Variants in SIPA1L3 observed in about 807,000 individuals in gnomAD.
The protein encoded by SIPA1L3 is signal induced proliferation associated 1 like 3, also known as signal-induced proliferation-associated 1-like protein 3.
SIPA1L3 carries 59 observed loss-of-function variants against 150.1 expected under a neutral mutation model. The observed-to-expected ratio is 0.39, with a 90% CI of 0.32 to 0.49. The LOEUF is 0.49. Ranked by LOEUF, SIPA1L3 falls within the 20% of genes least tolerant of loss-of-function variation. The probability of loss-of-function intolerance (pLI) is 0.86; values close to 1 mark genes in which losing one functional copy is unlikely to be tolerated. For missense variants in SIPA1L3, 2,211 were observed against 2,489.5 expected, an observed-to-expected ratio of 0.89 and a Z score of 2.38; for synonymous variants, 1,070 against 1,077.6, an observed-to-expected ratio of 0.99 and a Z score of 0.14.
At chr19:38,011,556 G>C (rs1968098651) in intron 1 of SIPA1L3, among the ~76,000 whole-genome samples, 1 of 152,176 alleles carries the variant, frequency 6.6e-6, no homozygotes, top group Non-Finnish European at 1.5e-5. Context: ...TGATCTGGGT[G>C]GTCAGGGAAG....
At chr19:38,188,179 TGTGGTGGTG>T (rs765752216) in intron 16 of SIPA1L3, among the ~76,000 whole-genome samples, 2 of 151,178 alleles carry the variant, frequency 1.3e-5, no homozygotes, top group Admixed American at 6.6e-5. Flanking sequence ...GTTTTGTTGT[TGTGGTGGTG>T]GTGGTGGTGG....
intron 8 of SIPA1L3, among the ~76,000 whole-genome samples, chr19:38,117,590 G>T (rs1471726105): frequency 1.3e-5 from 2 of 151,230 alleles, no homozygotes; most frequent in African/African-American, 2.4e-5. Context: ...TTGTACTCCA[G>T]CCTGAGCTAC....
At chr19:38,156,838 A>G (rs1971960722) in intron 13 of SIPA1L3, among the ~76,000 whole-genome samples, 1 of 152,074 alleles carries the variant, frequency 6.6e-6, no homozygotes, top group Non-Finnish European at 1.5e-5. Flanking sequence ...ATAAAAAAAG[A>G]AATCATTGTG....
intron 1 of SIPA1L3, among the ~76,000 whole-genome samples, chr19:37,988,114 T>G (rs1399141575): frequency 6.6e-6 from 1 of 152,152 alleles, no homozygotes; most frequent in East Asian, 1.9e-4. Flanking sequence ...GCCCTACCTC[T>G]CCTGGTCTGT....
chr19:38,109,213 G>C (rs1365519977), intron 7 of SIPA1L3, among the ~76,000 whole-genome samples: 1 of 152,112 alleles, frequency 6.6e-6, no homozygotes, highest in Non-Finnish European at 1.5e-5. Flanking sequence ...ACATGGCTGG[G>C]GAGGCCTCAC....
intron 1 of SIPA1L3, among the ~76,000 whole-genome samples, chr19:37,934,078 T>TGAGCG (rs2046579014): frequency 6.6e-6 from 1 of 152,140 alleles, no homozygotes. Context: ...AATTAAATGG[T>TGAGCG]GAGCGCGAAG....
At chr19:38,199,200 G>A (rs376295272) in intron 19 of SIPA1L3, among the ~76,000 whole-genome samples, 21 of 152,298 alleles carry the variant, frequency 1.4e-4, no homozygotes, top group East Asian at 5.8e-4. Context: ...CCGTGCTGAC[G>A]GGGCCAGGCA....
intron 1 of SIPA1L3, among the ~76,000 whole-genome samples, chr19:37,942,460 G>C (rs969615465): frequency 1.8e-4 from 26 of 147,924 alleles, no homozygotes; most frequent in African/African-American, 6.5e-4. Flanking sequence ...CCAGCAGAGG[G>C]AACAGCAGGT....
At chr19:37,925,668 G>A (rs1459528900) in intron 1 of SIPA1L3, among the ~76,000 whole-genome samples, 1 of 139,470 alleles carries the variant, frequency 7.2e-6, no homozygotes, top group Non-Finnish European at 1.5e-5. Context: ...ATCTTGGCTC[G>A]CTGCAAGCTC....
At chr19:37,943,335 C>G (rs532436737) in intron 1 of SIPA1L3, among the ~76,000 whole-genome samples, 1 of 152,242 alleles carries the variant, frequency 6.6e-6, no homozygotes, top group East Asian at 1.9e-4. Flanking sequence ...ATAGCCCCAC[C>G]CACAGTCCGA....
At chr19:38,045,369 C>T (rs1024739960) in intron 2 of SIPA1L3, among the ~76,000 whole-genome samples, 1 of 150,304 alleles carries the variant, frequency 6.7e-6, no homozygotes, top group Non-Finnish European at 1.5e-5. Flanking sequence ...CAGAGTGAGA[C>T]TCTGTCTCAA....
At chr19:37,946,626 G>A (rs1006457402) in intron 1 of SIPA1L3, among the ~76,000 whole-genome samples, 2 of 151,916 alleles carry the variant, frequency 1.3e-5, no homozygotes. Flanking sequence ...TTCTTTACAT[G>A]TTGAAGATAT....
intron 1 of SIPA1L3, among the ~76,000 whole-genome samples, chr19:37,912,816 C>G (rs936544914): frequency 6.6e-5 from 10 of 152,140 alleles, no homozygotes; most frequent in African/African-American, 2.4e-4. Context: ...CTTGAAACAC[C>G]AGGTAGAAAT....
intron 2 of SIPA1L3, among the ~76,000 whole-genome samples, chr19:38,029,832 CAGG>C (rs1968604338): frequency 6.8e-6 from 1 of 147,960 alleles, no homozygotes; most frequent in Non-Finnish European, 1.5e-5. Flanking sequence ...CTCCCGACCT[CAGG>C]TGAACTGCCC....
intron 2 of SIPA1L3, among the ~76,000 whole-genome samples, chr19:38,040,889 T>C (rs941965825): frequency 6.6e-6 from 1 of 152,060 alleles, no homozygotes; most frequent in African/African-American, 2.4e-5. Context: ...GCCTCCCAAG[T>C]AGCTGGGACT....
intron 1 of SIPA1L3, among the ~76,000 whole-genome samples, chr19:37,925,740 C>T (rs575771287): frequency 8.6e-5 from 13 of 151,900 alleles, no homozygotes; most frequent in Admixed American, 3.9e-4. Context: ...ACTACAGGCA[C>T]GCACCACCAT....
In SIPA1L3 at chr19:38,162,774, C is replaced by T. The variant is rs182965395; in HGVS notation, c.3780+403C>T. Reference sequence around the variant, plus strand: ...AGCCCAGGCTCCCTCCCTCTTGTGGCTCTGCTGTCCCTCAGAGGTTCCAAG... The same window carrying T: ...AGCCCAGGCTCCCTCCCTCTTGTGGTTCTGCTGTCCCTCAGAGGTTCCAAG... On this transcript the variant is annotated intron_variant, in intron 14 of 21. Coordinates refer to ENST00000222345, the MANE Select transcript of SIPA1L3 (RefSeq NM_015073.3). Among the ~76,000 whole-genome samples the T allele has an allele frequency of 1.8e-4, 28 of 152,364 alleles. No individual in the cohort carries two copies. In the East Asian group the frequency reaches 5.2e-3, roughly 28 times the overall value.
intron 13 of SIPA1L3, among the ~76,000 whole-genome samples, chr19:38,161,897 C>T (rs567486335): frequency 6.6e-6 from 1 of 152,038 alleles, no homozygotes; most frequent in African/African-American, 2.4e-5. Context: ...AAAAAATTAG[C>T]CAAGCATGGT....
chr19:38,084,978 C>T (rs1293069190), intron 3 of SIPA1L3, among the ~76,000 whole-genome samples: 2 of 151,978 alleles, frequency 1.3e-5, no homozygotes, highest in Non-Finnish European at 2.9e-5. Flanking sequence ...AAGTAATATC[C>T]TTGTCAAACA....
Sources: gnomAD v4.1 joint callset for allele counts (sites outside exome capture counted in the v4.1 genomes callset) on GRCh38, gnomAD v4.1.1 for gene constraint, MANE v1.5 for transcripts, NCBI Gene and HGNC (gene_info 2026-07-23, HGNC 2026-07-21) for gene names.